The following DGKI variants were observed in gnomAD, a reference collection of about 807,000 sequenced individuals.
The protein encoded by DGKI is diacylglycerol kinase iota, also known as DAG kinase iota.
In DGKI, 55 loss-of-function variants were observed where a neutral mutation model predicts 147.5. The observed-to-expected ratio is 0.37, with a 90% CI of 0.30 to 0.47. The LOEUF is 0.47. Ranked by LOEUF, DGKI falls within the 20% of genes least tolerant of loss-of-function variation. The pLI, the probability that DGKI is intolerant of heterozygous loss-of-function variation, is 1.00. For missense variants in DGKI, 1,007 were observed against 1,323.8 expected (o/e 0.76, Z 3.71); for synonymous variants, 469 against 477.1 (o/e 0.98, Z 0.22).
At position 137,482,124 on chromosome 7, in the gene DGKI, T is replaced by C. The variant is rs140073454; in HGVS notation, c.2373+3250A>G. On this transcript the variant is annotated intron_variant, in intron 23 of 32. Transcript: ENST00000614521. ...TTTCTACATAAAAATTAATAGCACC[T>C]ATATCCCATGTGTTTTATAATACAC... is the stretch of plus-strand genomic sequence containing the variant. Among the ~76,000 whole-genome samples, 974 of 152,080 alleles carry C rather than the reference T, an allele frequency of 6.4e-3. 11 individuals are homozygous for C. Among genetic ancestry groups the C allele is most frequent in the African/African-American group, 0.022 (927 of 41,504 alleles).
intron 3 of DGKI, among the ~76,000 whole-genome samples, chr7:137,667,561 T>C (rs1436883978): frequency 1.3e-5 from 2 of 152,190 alleles, no homozygotes; most frequent in African/African-American, 2.4e-5. Flanking sequence ...GTTTCCATTA[T>C]CAGTTTACTT....
At chr7:137,719,894 ACCTGGT>A (rs1218250568) in intron 1 of DGKI, among the ~76,000 whole-genome samples, 1 of 152,114 alleles carries the variant, frequency 6.6e-6, no homozygotes, top group Non-Finnish European at 1.5e-5. Flanking sequence ...AAAGACAGTA[ACCTGGT>A]CCTGAAACAT....
At chr7:137,803,143 T>C (rs1313487424) in intron 1 of DGKI, among the ~76,000 whole-genome samples, 2 of 152,154 alleles carry the variant, frequency 1.3e-5, no homozygotes, top group Non-Finnish European at 2.9e-5. Flanking sequence ...TAAAGGTTTC[T>C]ACATTTGGAG....
At chr7:137,399,391 T>C (rs1282762730) in intron 30 of DGKI, among the ~76,000 whole-genome samples, 7 of 152,176 alleles carry the variant, frequency 4.6e-5, no homozygotes, top group Admixed American at 4.6e-4. Flanking sequence ...TGTGATTCTA[T>C]GAAAACATGA....
At chr7:137,732,863 C>G (rs191350824) in intron 1 of DGKI, among the ~76,000 whole-genome samples, 3 of 151,772 alleles carry the variant, frequency 2.0e-5, no homozygotes, top group Non-Finnish European at 4.4e-5. Context: ...CTTCTCCCAG[C>G]CTGAAACATT....
intron 1 of DGKI, among the ~76,000 whole-genome samples, chr7:137,775,215 A>G (rs1171592803): frequency 6.6e-6 from 1 of 152,156 alleles, no homozygotes; most frequent in Non-Finnish European, 1.5e-5. Flanking sequence ...TCCAAAGATT[A>G]AGTCACGAAG....
intron 22 of DGKI, among the ~76,000 whole-genome samples, chr7:137,486,207 T>A (rs951923643): frequency 9.9e-5 from 15 of 152,274 alleles, no homozygotes; most frequent in East Asian, 3.9e-4. Flanking sequence ...GCCTCTTTTT[T>A]AAAAATCCTA....
intron 20 of DGKI, chr7:137,546,047 GAC>G (rs1284953669): frequency 1.6e-6 from 1 of 612,696 alleles, no homozygotes; most frequent in African/African-American, 1.8e-5. Flanking sequence ...GAGAAAGAGA[GAC>G]ACACAAAATT....
chr7:137,779,301 C>A (rs1322323648), intron 1 of DGKI, among the ~76,000 whole-genome samples: 1 of 151,964 alleles, frequency 6.6e-6, no homozygotes, highest in Non-Finnish European at 1.5e-5. Context: ...AAAGAATGAA[C>A]CTCAACCTCT....
chr7:137,504,656 T>C (rs151058251), intron 21 of DGKI, among the ~76,000 whole-genome samples: 111 of 152,284 alleles, frequency 7.3e-4, no homozygotes, highest in African/African-American at 2.7e-3. Context: ...AGCATCAATT[T>C]TAGATTTACT....
intron 30 of DGKI, among the ~76,000 whole-genome samples, chr7:137,399,922 A>AAAAG (rs552661330): frequency 4.6e-5 from 7 of 152,074 alleles, no homozygotes; most frequent in African/African-American, 1.4e-4. Flanking sequence ...AAAAAAAAAA[A>AAAAG]AAAGAAAGAA....
chr7:137,556,253 GA>G (rs1401290724), intron 19 of DGKI, among the ~76,000 whole-genome samples: 1 of 150,656 alleles, frequency 6.6e-6, no homozygotes, highest in African/African-American at 2.4e-5. Context: ...AAGATACCTA[GA>G]AAAAAATATT....
chr7:137,810,305 T>C (rs963167412), intron 1 of DGKI, among the ~76,000 whole-genome samples: 9 of 152,198 alleles, frequency 5.9e-5, no homozygotes, highest in African/African-American at 2.2e-4. Flanking sequence ...CACTCACTTA[T>C]TGAGTGGCTG....
chr7:137,682,935 T>C (rs906879149), intron 2 of DGKI, among the ~76,000 whole-genome samples: 16 of 152,186 alleles, frequency 1.1e-4, no homozygotes, highest in African/African-American at 3.1e-4. Context: ...ATAGTCTTGG[T>C]CTATGACATA....
chr7:137,416,037 C>T (rs1812347775), intron 28 of DGKI, among the ~76,000 whole-genome samples: 1 of 151,714 alleles, frequency 6.6e-6, no homozygotes, highest in Admixed American at 6.6e-5. Flanking sequence ...AGCCTATGTT[C>T]TCAAGACTGT....
chr7:137,412,825 C>A (rs1563003022), intron 28 of DGKI, among the ~76,000 whole-genome samples: 1 of 152,062 alleles, frequency 6.6e-6, no homozygotes, highest in Non-Finnish European at 1.5e-5. Flanking sequence ...GAGAAAACAA[C>A]CACGTGTTTG....
intron 6 of DGKI, among the ~76,000 whole-genome samples, chr7:137,632,366 T>C (rs1242279605): frequency 6.6e-6 from 1 of 152,184 alleles, no homozygotes; most frequent in East Asian, 1.9e-4. Context: ...AGAAGAATCT[T>C]ACAATAACAC....
chr7:137,826,025 T>A (rs1171184000), intron 1 of DGKI, among the ~76,000 whole-genome samples: 1 of 152,218 alleles, frequency 6.6e-6, no homozygotes, highest in East Asian at 1.9e-4. Flanking sequence ...TGGATTTAGT[T>A]GAAAAATCAA....
At chr7:137,426,991 C>T (rs571187010) in intron 28 of DGKI, among the ~76,000 whole-genome samples, 16 of 150,224 alleles carry the variant, frequency 1.1e-4, no homozygotes, top group East Asian at 9.8e-4. Flanking sequence ...GACAGATCAA[C>T]GAGACAGAAA....
Sources: gnomAD v4.1 joint callset for allele counts (sites outside exome capture counted in the v4.1 genomes callset) on GRCh38, gnomAD v4.1.1 for gene constraint, MANE v1.5 for transcripts, NCBI Gene and HGNC (gene_info 2026-07-23, HGNC 2026-07-21) for gene names.